The following OSBPL1A variants were observed in gnomAD, a reference collection of about 807,000 sequenced individuals.
OSBPL1A encodes the protein oxysterol-binding protein-related protein 1.
A neutral mutation model predicts 137.1 loss-of-function variants in OSBPL1A; 80 were observed. That is an observed-to-expected ratio of 0.58 (90% CI 0.49 to 0.70). The LOEUF is 0.70. Among genes scored for constraint, OSBPL1A ranks in the 30% least tolerant of loss-of-function variants. The pLI is 0.00. For missense variants in OSBPL1A, 970 were observed against 1,129.4 expected, an observed-to-expected ratio of 0.86 and a Z score of 2.02; for synonymous variants, 365 against 389.7, an observed-to-expected ratio of 0.94 and a Z score of 0.75.
At chr18:24,165,570 C>T (rs2086126332) in intron 26 of OSBPL1A, among the ~76,000 whole-genome samples, 1 of 152,218 alleles carries the variant, frequency 6.6e-6, no homozygotes, top group Non-Finnish European at 1.5e-5. Context: ...AATACTGTTG[C>T]TGTGTCTCAC....
At chr18:24,223,361 A>G (rs2087955971) in intron 17 of OSBPL1A, among the ~76,000 whole-genome samples, 1 of 152,148 alleles carries the variant, frequency 6.6e-6, no homozygotes, top group Admixed American at 6.5e-5. Context: ...ACTTTTTAAA[A>G]ATAGGAATTA....
At chr18:24,197,435 A>C (rs2087067270) in intron 17 of OSBPL1A, among the ~76,000 whole-genome samples, 1 of 152,246 alleles carries the variant, frequency 6.6e-6, no homozygotes, top group Non-Finnish European at 1.5e-5. Flanking sequence ...TATTTTAAAA[A>C]TTATCTTCTG....
At chr18:24,368,138 T>C (rs1025281675) in intron 3 of OSBPL1A, 149 bp downstream of exon 3, 1 of 488,214 alleles carries the variant, frequency 2.0e-6, no homozygotes, top group Non-Finnish European at 3.7e-6. Context: ...TGTATTTATT[T>C]AATAAAGAAC....
At chr18:24,172,925 T>A (rs1255365622) in intron 21 of OSBPL1A, among the ~76,000 whole-genome samples, 1 of 152,178 alleles carries the variant, frequency 6.6e-6, no homozygotes, top group African/African-American at 2.4e-5. Flanking sequence ...TAGAAATCAT[T>A]CTACCATAAA....
intron 4 of OSBPL1A, among the ~76,000 whole-genome samples, chr18:24,362,772 C>T: frequency 6.6e-6 from 1 of 152,200 alleles, no homozygotes. Context: ...GATAAGACAA[C>T]TGTTATCCTG....
At chr18:24,334,401 G>C in intron 5 of OSBPL1A, 71 bp from the exon 6 acceptor site, 1 of 1,290,214 alleles carries the variant, frequency 7.8e-7, no homozygotes, top group South Asian at 1.5e-5. Flanking sequence ...AAAGAATAAA[G>C]TGATCATGAT....
At chr18:24,302,362 T>C (rs959541072) in intron 14 of OSBPL1A, 16 of 151,496 alleles carry the variant, frequency 1.1e-4, no homozygotes, top group African/African-American at 3.9e-4. Context: ...AGAAACATAA[T>C]TTTTTAATTT....
intron 15 of OSBPL1A, among the ~76,000 whole-genome samples, chr18:24,252,688 A>G (rs649831): frequency 0.92 from 140,788 of 152,210 alleles, 65,352 homozygotes; most frequent in Admixed American, 0.97. Context: ...ATATCAAAAC[A>G]TTATAATTGT....
chr18:24,177,741 A>G (rs75805082), intron 21 of OSBPL1A, among the ~76,000 whole-genome samples: 9,756 of 152,312 alleles, frequency 0.064, 1,010 homozygotes, highest in African/African-American at 0.21. Flanking sequence ...TTTCATAAGA[A>G]CTGTCATGAA....
intron 9 of OSBPL1A, 58 bp from the exon 10 acceptor site, chr18:24,317,458 CT>C: frequency 7.4e-7 from 1 of 1,354,428 alleles, no homozygotes; most frequent in Non-Finnish European, 1.1e-6. Flanking sequence ...AAATGCTTGA[CT>C]GATAAAAAGT....
intron 27 of OSBPL1A, among the ~76,000 whole-genome samples, chr18:24,164,420 G>GTTTTT (rs35343209): frequency 3.1e-5 from 3 of 95,970 alleles, no homozygotes; most frequent in African/African-American, 1.4e-4. Context: ...GAGATTTTTG[G>GTTTTT]TTTTTTTTTT....
chr18:24,257,758 T>C (rs1469525230), intron 15 of OSBPL1A, among the ~76,000 whole-genome samples: 2 of 152,018 alleles, frequency 1.3e-5, no homozygotes, highest in African/African-American at 2.4e-5. Flanking sequence ...ACAGAATATA[T>C]AAGGAGCTCA....
rs750532071 is a variant in OSBPL1A, at chr18:24,377,489, A to G, written c.45T>C (p.Asn15=). Residue 15 remains asparagine (N), a synonymous_variant, in exon 2 of 28, where the codon AAT becomes AAC. Coordinates refer to ENST00000319481, the MANE Select transcript of OSBPL1A (RefSeq NM_080597.4). ...AEQQLLHHAR[N]GNAEEVRQLL... The stretch of plus-strand genomic sequence containing the variant: ...GTTGTCTTACTTCTTCAGCATTGCC[A>G]TTTCTGGCGTGATGGAGAAGCTGTT... The G allele has an allele frequency of 3.1e-6, 5 of 1,611,962 alleles. No individual in the cohort carries two copies. In the South Asian group the frequency reaches 4.4e-5, roughly 14 times the overall value.
In OSBPL1A at chr18:24,244,621, T is replaced by C. The variant is rs888093836; in HGVS notation, c.1282-5239A>G. On this transcript the variant is annotated intron_variant, in intron 15 of 27. Transcript: ENST00000319481. ...TGTCTGTAGCCCCTTAAAATACAAA[T>C]GTAAGCCTTTCCAGTAATCTGTCTC... Among the ~76,000 whole-genome samples, 6 of 152,210 alleles carry C rather than the reference T, an allele frequency of 3.9e-5. 1 individual carries two copies. The highest frequency in any genetic ancestry group is 7.3e-5 in the Non-Finnish European group (5 of 68,032).
Position 24,268,833 on chromosome 18 carries a change from G to T in OSBPL1A, c.1281+12009C>A, listed in dbSNP as rs566427147. Among the ~76,000 whole-genome samples the T allele has an allele frequency of 7.9e-5, 12 of 152,240 alleles. No individual in the cohort carries two copies. In the South Asian group the frequency reaches 2.5e-3, roughly 32 times the overall value. ...CTTTGACCTCAATTACCATGTTGAC[G>T]TAGGTGACTCCCAATGCTAATGATT... On this transcript the variant is annotated intron_variant, in intron 15 of 27. Coordinates refer to ENST00000319481, the MANE Select transcript of OSBPL1A (RefSeq NM_080597.4).
At chr18:24,337,211 C>T (rs887431820) in intron 5 of OSBPL1A, among the ~76,000 whole-genome samples, 24 of 152,076 alleles carry the variant, frequency 1.6e-4, no homozygotes, top group Admixed American at 2.6e-4. Flanking sequence ...AGGTCAATAT[C>T]GGCCAGGTGG....
At chr18:24,275,728 CTT>C (rs11290304) in intron 15 of OSBPL1A, among the ~76,000 whole-genome samples, 17 of 143,018 alleles carry the variant, frequency 1.2e-4, no homozygotes, top group African/African-American at 2.6e-4. Context: ...GTCCCACTCT[CTT>C]TTTTTTTTTT....
At chr18:24,201,086 G>A (rs2087206735) in intron 17 of OSBPL1A, among the ~76,000 whole-genome samples, 1 of 150,466 alleles carries the variant, frequency 6.6e-6, no homozygotes, top group Admixed American at 6.6e-5. Flanking sequence ...TTTATCTGAG[G>A]GTCATTATCT....
intron 14 of OSBPL1A, among the ~76,000 whole-genome samples, chr18:24,295,229 A>C (rs1174227600): frequency 6.6e-6 from 1 of 152,044 alleles, no homozygotes; most frequent in Non-Finnish European, 1.5e-5. Context: ...AGAAACATCT[A>C]TTCATGTCTT....
Sources: allele counts gnomAD v4.1 joint callset (sites outside exome capture counted in the v4.1 genomes callset), GRCh38; gene constraint gnomAD v4.1.1; transcripts MANE v1.5; gene names NCBI Gene and HGNC (gene_info 2026-07-23, HGNC 2026-07-21).